Variants in SGCZ observed in about 807,000 individuals in gnomAD.
SGCZ encodes sarcoglycan zeta.
Under a neutral mutation model 41.3 loss-of-function variants are expected in SGCZ, and 40 were observed. The ratio of observed to expected loss-of-function variants is 0.97; its 90% CI spans 0.75 to 1.26. The LOEUF (loss-of-function observed/expected upper bound fraction) is 1.26, where lower values mean the gene tolerates loss of function less well. Ranked by LOEUF, SGCZ falls within the 50% of genes most tolerant of loss-of-function variation. The pLI is 0.00. For missense variants in SGCZ, 552 were observed against 369.8 expected, an observed-to-expected ratio of 1.49 and a Z score of -4.04; for synonymous variants, 206 against 137.5, an observed-to-expected ratio of 1.50 and a Z score of -3.49.
chr8:14,768,000 T>C (rs1189707524), intron 1 of SGCZ, among the ~76,000 whole-genome samples: 3 of 152,212 alleles, frequency 2.0e-5, no homozygotes, highest in Non-Finnish European at 2.9e-5. Context: ...CCATGTAATA[T>C]GCCGAGTAGC....
At chr8:14,995,666 C>T (rs888710219) in intron 1 of SGCZ, among the ~76,000 whole-genome samples, 2 of 152,188 alleles carry the variant, frequency 1.3e-5, no homozygotes, top group African/African-American at 4.8e-5. Context: ...ATGCTGACCT[C>T]AGTCCCTTAT....
chr8:14,821,648 G>T lies in SGCZ; in HGVS notation c.40-266722C>A, dbSNP rs562814294. Among the ~76,000 whole-genome samples the T allele has an allele frequency of 3.0e-4, 45 of 152,094 alleles. 1 individual carries two copies. Among genetic ancestry groups the T allele is most frequent in the African/African-American group, 9.6e-4 (40 of 41,518 alleles). Reference sequence around the variant, plus strand: ...AGGCGAACCTGATTCTATGATGCAAGAATGTCTTAACATACCCAAATCATT... The same window carrying T: ...AGGCGAACCTGATTCTATGATGCAATAATGTCTTAACATACCCAAATCATT... On this transcript the variant is annotated intron_variant, in intron 1 of 7. Transcript: ENST00000382080.
chr8:15,043,126 G>C (rs2130981070), intron 1 of SGCZ, among the ~76,000 whole-genome samples: 1 of 152,298 alleles, frequency 6.6e-6, no homozygotes, highest in East Asian at 1.9e-4. Flanking sequence ...ACCACTGTTT[G>C]GGAGTCCTAA....
At chr8:14,188,733 A>C (rs982576121) in intron 4 of SGCZ, among the ~76,000 whole-genome samples, 1 of 152,100 alleles carries the variant, frequency 6.6e-6, no homozygotes, top group African/African-American at 2.4e-5. Flanking sequence ...TCTTCTAGCA[A>C]GTTTCATTGA....
At chr8:14,910,352 A>G (rs1799247233) in intron 1 of SGCZ, among the ~76,000 whole-genome samples, 1 of 152,080 alleles carries the variant, frequency 6.6e-6, no homozygotes, top group Admixed American at 6.6e-5. Context: ...ACCATTTAAT[A>G]CATAAGGACA....
chr8:14,436,151 C>CGG (rs1253545211), intron 2 of SGCZ, among the ~76,000 whole-genome samples: 2 of 152,108 alleles, frequency 1.3e-5, no homozygotes, highest in Non-Finnish European at 2.9e-5. Flanking sequence ...CGTGATGTTT[C>CGG]GATCCTCTGC....
In SGCZ at chr8:14,783,381, C is replaced by G. The variant is rs555339153; in HGVS notation, c.40-228455G>C. ...CCCGGTAGGTGGAAGTTGCAGTGAGCTGAGATAGCACCACTGCACTCCAGC... is the reference window on the plus strand; with the variant it reads ...CCCGGTAGGTGGAAGTTGCAGTGAGGTGAGATAGCACCACTGCACTCCAGC... On this transcript the variant is annotated intron_variant, in intron 1 of 7. Transcript: ENST00000382080. Among the ~76,000 whole-genome samples the G allele has an allele frequency of 2.0e-5, 3 of 150,714 alleles. No homozygotes were observed. The South Asian group carries it at 6.3e-4, about 31-fold the overall frequency.
chr8:14,752,586 G>T (rs1585231917), intron 1 of SGCZ, among the ~76,000 whole-genome samples: 1 of 152,010 alleles, frequency 6.6e-6, no homozygotes, highest in African/African-American at 2.4e-5. Context: ...TCACCATATT[G>T]CTGGCAACTA....
At chr8:14,393,637 G>A (rs150496928) in intron 2 of SGCZ, among the ~76,000 whole-genome samples, 2,301 of 149,896 alleles carry the variant, frequency 0.015, 61 homozygotes, top group African/African-American at 0.052. Context: ...TTTCTCCATA[G>A]AGAAAGCTGT....
chr8:14,258,540 C>A lies in SGCZ; in HGVS notation c.337-20861G>T, dbSNP rs1007755642. On this transcript the variant is annotated intron_variant, in intron 3 of 7. Coordinates refer to ENST00000382080, the MANE Select transcript of SGCZ (RefSeq NM_139167.4). Reference sequence around the variant, plus strand: ...ATAGACAAGATATGAAGAAATATAACAGAAGATTTGTACTTCTCCAAAAAA... The same window carrying A: ...ATAGACAAGATATGAAGAAATATAAAAGAAGATTTGTACTTCTCCAAAAAA... 2.6e-5 allele frequency among the ~76,000 whole-genome samples: 4 copies of A among 152,088 alleles called. 1 individual carries two copies. The highest frequency in any genetic ancestry group is 2.6e-4 in the Admixed American group (4 of 15,256).
chr8:14,591,155 TATG>T (rs1245539379), intron 1 of SGCZ, among the ~76,000 whole-genome samples: 1 of 151,808 alleles, frequency 6.6e-6, no homozygotes, highest in Admixed American at 6.6e-5. Context: ...TCTTCATAAA[TATG>T]ATTATAAATA....
At chr8:15,097,484 C>G (rs1338168528) in intron 1 of SGCZ, among the ~76,000 whole-genome samples, 1 of 151,898 alleles carries the variant, frequency 6.6e-6, no homozygotes, top group Non-Finnish European at 1.5e-5. Context: ...CATGGTTGCT[C>G]AAGCCTGTTG....
At chr8:14,836,188 C>G (rs1168524824) in intron 1 of SGCZ, among the ~76,000 whole-genome samples, 1 of 139,946 alleles carries the variant, frequency 7.1e-6, no homozygotes, top group African/African-American at 2.6e-5. Context: ...GTCCATTGCA[C>G]TGCCTAAAAA....
chr8:14,691,562 G>C (rs762146293), intron 1 of SGCZ, among the ~76,000 whole-genome samples: 3 of 151,794 alleles, frequency 2.0e-5, no homozygotes, highest in African/African-American at 4.8e-5. Context: ...AGGCACATAG[G>C]CCTCTTGGAA....
At chr8:14,881,807 T>C (rs1397945577) in intron 1 of SGCZ, among the ~76,000 whole-genome samples, 2 of 152,180 alleles carry the variant, frequency 1.3e-5, no homozygotes, top group African/African-American at 4.8e-5. Context: ...GCACTTACTC[T>C]AAAGTTGATC....
chr8:14,594,385 A>C (rs547817580), intron 1 of SGCZ, among the ~76,000 whole-genome samples: 38 of 151,834 alleles, frequency 2.5e-4, no homozygotes, highest in Non-Finnish European at 4.7e-4. Context: ...AAACATGAAA[A>C]CTGGAAGATC....
At chr8:14,359,807 C>CA (rs1464302321) in intron 2 of SGCZ, among the ~76,000 whole-genome samples, 7 of 99,518 alleles carry the variant, frequency 7.0e-5, no homozygotes, top group African/African-American at 1.6e-4. Flanking sequence ...TTGCCTAATA[C>CA]AAAAAAAGAA....
At chr8:14,771,915 A>C (rs1323969969) in intron 1 of SGCZ, among the ~76,000 whole-genome samples, 1 of 152,130 alleles carries the variant, frequency 6.6e-6, no homozygotes, top group African/African-American at 2.4e-5. Flanking sequence ...TATAATTGGG[A>C]ATGTTTTAAC....
At chr8:15,097,990 A>G (rs545782960) in intron 1 of SGCZ, among the ~76,000 whole-genome samples, 3 of 151,008 alleles carry the variant, frequency 2.0e-5, no homozygotes, top group African/African-American at 7.3e-5. Context: ...CAAAAGTGAC[A>G]GGTAAAATCT....
Sources: allele counts gnomAD v4.1 joint callset (sites outside exome capture counted in the v4.1 genomes callset), GRCh38; gene constraint gnomAD v4.1.1; transcripts MANE v1.5; gene names NCBI Gene and HGNC (gene_info 2026-07-23, HGNC 2026-07-21).